Variants in PLXDC2 observed in about 807,000 individuals in gnomAD.
The protein encoded by PLXDC2 is plexin domain containing 2.
A neutral mutation model predicts 68.9 loss-of-function variants in PLXDC2; 40 were observed. That is an observed-to-expected ratio of 0.58 (90% confidence interval 0.45 to 0.76). The LOEUF is 0.76. PLXDC2 is among the 30% of genes least tolerant of loss of function. The pLI, the probability that PLXDC2 is intolerant of heterozygous loss-of-function variation, is 0.00. For synonymous variants in PLXDC2, 243 were observed against 234.2 expected (o/e 1.04, Z -0.34); for missense variants, 644 against 661.9 (o/e 0.97, Z 0.30).
At chr10:19,925,188 C>T (rs775605189) in intron 1 of PLXDC2, among the ~76,000 whole-genome samples, 1 of 152,144 alleles carries the variant, frequency 6.6e-6, no homozygotes, top group African/African-American at 2.4e-5. Flanking sequence ...GAAAGTCCGT[C>T]GAACTTATTG....
intron 1 of PLXDC2, among the ~76,000 whole-genome samples, chr10:19,867,712 A>G (rs1386125734): frequency 2.0e-5 from 3 of 152,050 alleles, no homozygotes; most frequent in Non-Finnish European, 4.4e-5. Flanking sequence ...TTCCATATTC[A>G]GACCAACAGC....
chr10:20,162,230 C>T (rs1458552118), intron 6 of PLXDC2, among the ~76,000 whole-genome samples: 4 of 152,040 alleles, frequency 2.6e-5, no homozygotes, highest in Non-Finnish European at 2.9e-5. Context: ...GTGGAGAATG[C>T]ATCTGGGAGG....
At chr10:19,861,192 G>C (rs975591061) in intron 1 of PLXDC2, among the ~76,000 whole-genome samples, 3 of 151,562 alleles carry the variant, frequency 2.0e-5, no homozygotes, top group Non-Finnish European at 1.5e-5. Context: ...CCACCACCAC[G>C]CCTGGCTAAT....
chr10:20,182,325 C>T (rs945862094), intron 9 of PLXDC2, among the ~76,000 whole-genome samples: 2 of 151,960 alleles, frequency 1.3e-5, no homozygotes, highest in Non-Finnish European at 2.9e-5. Flanking sequence ...GCCCAATCTA[C>T]ACCTATATAT....
intron 4 of PLXDC2, among the ~76,000 whole-genome samples, chr10:20,087,914 G>A (rs895368223): frequency 9.2e-5 from 14 of 152,186 alleles, no homozygotes; most frequent in African/African-American, 2.7e-4. Flanking sequence ...GGGCACAAAG[G>A]ACACATTGGT....
chr10:20,107,428 A>G (rs1039373073), intron 4 of PLXDC2, among the ~76,000 whole-genome samples: 2 of 152,206 alleles, frequency 1.3e-5, no homozygotes, highest in African/African-American at 4.8e-5. Flanking sequence ...AGGCATATGC[A>G]TTGATGGAAA....
chr10:19,889,088 C>G (rs1837901253), intron 1 of PLXDC2, among the ~76,000 whole-genome samples: 1 of 151,756 alleles, frequency 6.6e-6, no homozygotes, highest in Admixed American at 6.6e-5. Flanking sequence ...TAATAGAGCC[C>G]AAATTTTGAC....
chr10:20,211,479 T>A (rs1485876056), intron 9 of PLXDC2, among the ~76,000 whole-genome samples, 190 bp from the exon 10 acceptor site: 1 of 152,178 alleles, frequency 6.6e-6, no homozygotes, highest in African/African-American at 2.4e-5. Context: ...TCCTAAGGAA[T>A]GAGTGATTAT....
intron 1 of PLXDC2, among the ~76,000 whole-genome samples, chr10:19,870,976 T>A (rs1459145947): frequency 6.6e-6 from 1 of 152,166 alleles, no homozygotes; most frequent in African/African-American, 2.4e-5. Flanking sequence ...GAGATTTAGA[T>A]TGAATGAATT....
chr10:20,189,762 G>A (rs1332286739), intron 9 of PLXDC2, among the ~76,000 whole-genome samples: 1 of 150,526 alleles, frequency 6.6e-6, no homozygotes, highest in African/African-American at 2.4e-5. Context: ...GAATAGTGTT[G>A]AACTCTGTAT....
intron 1 of PLXDC2, among the ~76,000 whole-genome samples, chr10:19,884,762 T>G (rs1287002172): frequency 2.0e-5 from 3 of 152,204 alleles, no homozygotes; most frequent in African/African-American, 7.2e-5. Context: ...TTGTTGGACA[T>G]TTGGGTTGGT....
rs1216897307 is a variant in PLXDC2, at chr10:20,289,664, G to C, written c.*9845G>C. ...TTTATAACAACACCGAGTACGCACA[G>C]ACCTGAACCCATGCCCAAGAAGCAC... On this transcript the variant is annotated 3_prime_UTR_variant, in exon 14 of 14. Coordinates refer to ENST00000377252, the MANE Select transcript of PLXDC2 (RefSeq NM_032812.9). 1 of 152,228 alleles carries C rather than the reference G, an allele frequency of 6.6e-6. No homozygotes were observed. Among genetic ancestry groups the C allele is most frequent in the African/African-American group, 2.4e-5 (1 of 41,420 alleles). The allele number at this position is 152,228 out of a possible 1,614,324, so 9.4% of individuals were successfully genotyped here.
intron 1 of PLXDC2, among the ~76,000 whole-genome samples, chr10:19,903,367 T>C (rs1838190579): frequency 6.6e-6 from 1 of 151,866 alleles, no homozygotes; most frequent in Non-Finnish European, 1.5e-5. Flanking sequence ...GTTACTGGTC[T>C]GTTCAGAGTT....
At chr10:20,131,193 GT>G (rs1243100981) in intron 4 of PLXDC2, among the ~76,000 whole-genome samples, 2 of 144,494 alleles carry the variant, frequency 1.4e-5, no homozygotes, top group African/African-American at 5.1e-5. Context: ...TTTCTATTCT[GT>G]TTTTTGTTCT....
chr10:20,057,860 T>A (rs1389930368), intron 3 of PLXDC2, among the ~76,000 whole-genome samples: 1 of 151,958 alleles, frequency 6.6e-6, no homozygotes, highest in African/African-American at 2.4e-5. Context: ...TCAAAGTACT[T>A]AGTTTTTGAA....
At chr10:20,237,474 T>C (rs1835449281) in intron 12 of PLXDC2, among the ~76,000 whole-genome samples, 2 of 152,136 alleles carry the variant, frequency 1.3e-5, no homozygotes, top group Non-Finnish European at 2.9e-5. Context: ...ATATAGAAAG[T>C]TAAAGAGGTA....
At chr10:20,002,110 A>C (rs1834951975) in intron 2 of PLXDC2, 124 bp downstream of exon 2, 1 of 959,698 alleles carries the variant, frequency 1.0e-6, no homozygotes, top group South Asian at 1.7e-5. Context: ...TCTTTTAAAG[A>C]ACAATTTAAT....
chr10:19,846,209 T>G (rs1387535551), intron 1 of PLXDC2, among the ~76,000 whole-genome samples: 1 of 151,854 alleles, frequency 6.6e-6, no homozygotes, highest in Non-Finnish European at 1.5e-5. Flanking sequence ...GTGCCAAAGG[T>G]GAGTAATTTG....
At chr10:19,952,126 G>A (rs1345520028) in intron 1 of PLXDC2, among the ~76,000 whole-genome samples, 2 of 152,014 alleles carry the variant, frequency 1.3e-5, no homozygotes, top group African/African-American at 4.8e-5. Context: ...TCCTGCACAT[G>A]TACTCCCTGA....
Sources: gnomAD v4.1 joint callset for allele counts (sites outside exome capture counted in the v4.1 genomes callset) on GRCh38, gnomAD v4.1.1 for gene constraint, MANE v1.5 for transcripts, NCBI Gene and HGNC (gene_info 2026-07-23, HGNC 2026-07-21) for gene names.